Variants in CFHR5 observed in about 807,000 individuals in gnomAD.
The protein encoded by CFHR5 is complement factor H related 5.
A neutral mutation model predicts 62.9 loss-of-function variants in CFHR5; 73 were observed. That is an observed-to-expected ratio of 1.16 (90% CI 0.96 to 1.41). CFHR5 has a LOEUF of 1.41. CFHR5 is among the 40% of genes most tolerant of loss of function. CFHR5 has a pLI of 0.00. For synonymous variants in CFHR5, 249 were observed against 227.2 expected (o/e 1.10, Z -0.86); for missense variants, 779 against 679.9 (o/e 1.15, Z -1.62).
At chr1:196,989,451 A>G (rs1265047872) in intron 3 of CFHR5, among the ~76,000 whole-genome samples, 1 of 151,902 alleles carries the variant, frequency 6.6e-6, no homozygotes, top group Non-Finnish European at 1.5e-5. Context: ...AGTTCTTTCA[A>G]TTGTGATCTT....
At chr1:197,000,186 G>A (rs1235612163) in intron 7 of CFHR5, among the ~76,000 whole-genome samples, 6 of 152,008 alleles carry the variant, frequency 3.9e-5, no homozygotes, top group African/African-American at 1.4e-4. Flanking sequence ...TAAGGAAGAA[G>A]CCTTATTTAA....
intron 1 of CFHR5, among the ~76,000 whole-genome samples, chr1:196,978,215 C>T (rs1161513210): frequency 6.6e-6 from 1 of 151,992 alleles, no homozygotes. Context: ...TTTAATGAAA[C>T]AATAGAAAAT....
At chr1:196,999,720 T>TAC (rs1558289001) in intron 7 of CFHR5, among the ~76,000 whole-genome samples, 18 of 43,874 alleles carry the variant, frequency 4.1e-4, no homozygotes, top group African/African-American at 9.7e-4. Flanking sequence ...TATATATATA[T>TAC]ATACACACAC....
intron 3 of CFHR5, among the ~76,000 whole-genome samples, chr1:196,992,773 G>C (rs1255061280): frequency 6.6e-6 from 1 of 152,132 alleles, no homozygotes; most frequent in Non-Finnish European, 1.5e-5. Context: ...AACAAACAGA[G>C]ATTTAGAGAT....
At chr1:196,979,977 TTCTA>T (rs1215368338) in intron 1 of CFHR5, among the ~76,000 whole-genome samples, 1 of 152,142 alleles carries the variant, frequency 6.6e-6, no homozygotes, top group African/African-American at 2.4e-5. Context: ...TATTTTTTCT[TTCTA>T]TCCTTATTCT....
At chr1:196,985,964 A>G (rs987171736) in intron 3 of CFHR5, among the ~76,000 whole-genome samples, 1 of 152,184 alleles carries the variant, frequency 6.6e-6, no homozygotes, top group African/African-American at 2.4e-5. Flanking sequence ...CACATATCTT[A>G]TTGTTCAAGT....
chr1:196,984,147 A>G lies in CFHR5; in HGVS notation c.430+10A>G, dbSNP rs1653620531. On this transcript the variant is annotated intron_variant, in intron 3 of 9. Coordinates refer to ENST00000256785, the MANE Select transcript of CFHR5 (RefSeq NM_030787.4). ...ATATGCAGCTTCACTAGTAAGCAAA[A>G]TACCACTCTCTCAGTTTTGCTAATT... 2 of 1,608,682 alleles carry G rather than the reference A, an allele frequency of 1.2e-6. No homozygotes were observed. Among genetic ancestry groups the G allele is most frequent in the Admixed American group, 1.7e-5 (1 of 59,954 alleles).
At chr1:196,990,169 T>C (rs762547062) in intron 3 of CFHR5, among the ~76,000 whole-genome samples, 5 of 152,170 alleles carry the variant, frequency 3.3e-5, no homozygotes, top group Non-Finnish European at 7.3e-5. Context: ...AATTCTGTTT[T>C]ATCAGAGGCT....
chr1:196,975,574 G>A (rs943872314), upstream of CFHR5, among the ~76,000 whole-genome samples: 2 of 152,154 alleles, frequency 1.3e-5, no homozygotes, highest in Non-Finnish European at 2.9e-5. Context: ...AGAAAAGGAT[G>A]CGTGTGAACA....
Position 196,996,020 on chromosome 1 carries a change from A to G in CFHR5, c.791-2A>G. On this transcript the variant is annotated splice_acceptor_variant, in intron 5 of 9. Transcript: ENST00000256785. LOFTEE classifies it high-confidence loss of function. Reference sequence around the variant, plus strand: ...AGCACTCATTTTATTACATTTTCTTAGAACAAGTGAAAACATGTGGATACA... The same window carrying G: ...AGCACTCATTTTATTACATTTTCTTGGAACAAGTGAAAACATGTGGATACA... 1 of 1,613,622 alleles carries G rather than the reference A, an allele frequency of 6.2e-7. No individual in the cohort carries two copies. Among genetic ancestry groups the G allele is most frequent in the Non-Finnish European group, 8.5e-7 (1 of 1,179,584 alleles).
intron 7 of CFHR5, 103 bp downstream of exon 7, chr1:196,998,407 A>T: frequency 1.1e-6 from 1 of 945,976 alleles, no homozygotes; most frequent in South Asian, 1.5e-5. Context: ...TGTGGCATAT[A>T]ATTTCTATGC....
At chr1:196,985,838 A>C (rs1653669886) in intron 3 of CFHR5, among the ~76,000 whole-genome samples, 1 of 152,216 alleles carries the variant, frequency 6.6e-6, no homozygotes, top group African/African-American at 2.4e-5. Flanking sequence ...CAGAACTAGA[A>C]TCAGCCATAC....
At chr1:196,983,212 T>C (rs1449568731) in intron 2 of CFHR5, 133 bp downstream of exon 2, 2 of 1,178,986 alleles carry the variant, frequency 1.7e-6, no homozygotes, top group Non-Finnish European at 2.5e-6. Context: ...GATGTAGTCC[T>C]CCTATTTTGA....
intron 7 of CFHR5, among the ~76,000 whole-genome samples, chr1:196,998,840 G>T (rs574416792): frequency 5.3e-5 from 8 of 151,920 alleles, no homozygotes; most frequent in Non-Finnish European, 7.4e-5. Flanking sequence ...CACCATATTA[G>T]ATTAAAATAA....
intron 8 of CFHR5, 62 bp from the exon 9 acceptor site, chr1:197,004,599 C>A: frequency 8.0e-7 from 1 of 1,247,016 alleles, no homozygotes; most frequent in Non-Finnish European, 1.2e-6. Flanking sequence ...ATACATGATG[C>A]TTCATTATAT....
rs760954453 is a variant in CFHR5 at position 197,008,703 on chromosome 1, A to C, written c.*20A>C. The C allele has an allele frequency of 3.8e-6, 6 of 1,585,468 alleles. No individual in the cohort carries two copies. The East Asian group carries it at 1.3e-4, about 35-fold the overall frequency. On this transcript the variant is annotated 3_prime_UTR_variant, in exon 10 of 10. Coordinates refer to ENST00000256785, the MANE Select transcript of CFHR5 (RefSeq NM_030787.4). ...GAATGAAGCAAGCATAATTTTCCTG[A>C]ATATATTCTTCAAACATCCATCTAT...
chr1:197,009,396 A>G lies in CFHR5; in HGVS notation c.*713A>G, dbSNP rs1654378695. ...TCATAAATGTCCACAGAAACAGTAAATGTTCTCGCTTCAGTACTTAATTCA... is the reference window on the plus strand; with the variant it reads ...TCATAAATGTCCACAGAAACAGTAAGTGTTCTCGCTTCAGTACTTAATTCA... On this transcript the variant is annotated 3_prime_UTR_variant, in exon 10 of 10. Transcript: ENST00000256785. The G allele has an allele frequency of 6.6e-6, 1 of 152,158 alleles. No homozygotes were observed. Among genetic ancestry groups the G allele is most frequent in the African/African-American group, 2.4e-5 (1 of 41,430 alleles). 9.4% of individuals were successfully genotyped at this position (152,158 alleles called of 1,614,324 possible). A position where few individuals can be genotyped will look rare whatever the true frequency, so the allele number is the denominator to read the frequency against.
rs939265304 is a variant in CFHR5 at position 197,002,365 on chromosome 1, TAGAG to T, written c.1148-113_1148-110del. ...ATAGGGAGAGAGAAAGAGAAAGTGA[TAGAG>T]AGACATAGTGTGTGTGTGTCATTGA... is the stretch of plus-strand genomic sequence containing the variant. On this transcript the variant is annotated intron_variant, in intron 7 of 9. Transcript: ENST00000256785. The T allele has an allele frequency of 3.1e-5, 21 of 685,748 alleles. No homozygotes were observed. The African/African-American group carries it at 3.1e-4, about 10-fold the overall frequency. The allele number at this position is 685,748 out of a possible 1,614,324, so 42.5% of individuals were successfully genotyped here. A position where few individuals can be genotyped will look rare whatever the true frequency, so the allele number is the denominator to read the frequency against.
At chr1:196,980,044 G>C (rs142007688) in intron 1 of CFHR5, among the ~76,000 whole-genome samples, 1 of 151,442 alleles carries the variant, frequency 6.6e-6, no homozygotes, top group Non-Finnish European at 1.5e-5. Context: ...ACACCTTTTT[G>C]TTAAAAGCAG....
Sources: gnomAD v4.1 joint callset for allele counts (sites outside exome capture counted in the v4.1 genomes callset) on GRCh38, gnomAD v4.1.1 for gene constraint, MANE v1.5 for transcripts, NCBI Gene and HGNC (gene_info 2026-07-23, HGNC 2026-07-21) for gene names.